The following PCDHGA2 variants were observed in gnomAD, a reference collection of about 807,000 sequenced individuals.
PCDHGA2 encodes the protein protocadherin gamma-A2.
PCDHGA2 carries 40 observed loss-of-function variants against 59.2 expected under a neutral mutation model. The ratio of observed to expected loss-of-function variants is 0.68; its 90% CI spans 0.52 to 0.88. The LOEUF is 0.88. Among genes scored for constraint, PCDHGA2 ranks in the 40% least tolerant of loss-of-function variants. The pLI is 0.00. For synonymous variants in PCDHGA2, 560 were observed against 526.0 expected (o/e 1.06, Z -0.89); for missense variants, 1,226 against 1,204.0 (o/e 1.02, Z -0.27).
chr5:141,353,831 GTCTT>G (rs1759397437), intron 1 of PCDHGA2, among the ~76,000 whole-genome samples: 1 of 152,116 alleles, frequency 6.6e-6, no homozygotes, highest in Non-Finnish European at 1.5e-5. Context: ...AGTTTGTGCG[GTCTT>G]TGAGGATTGT....
intron 1 of PCDHGA2, chr5:141,408,974 G>A (rs899313364): frequency 6.2e-7 from 1 of 1,613,808 alleles, no homozygotes; most frequent in South Asian, 1.1e-5. Context: ...TCTGCCCCCT[G>A]GGTCCCCTGT....
chr5:141,483,445 C>T (rs1332037230), intron 1 of PCDHGA2, among the ~76,000 whole-genome samples: 1 of 152,106 alleles, frequency 6.6e-6, no homozygotes, highest in Admixed American at 6.5e-5. Context: ...ACAATAAAAT[C>T]ATCAGGACTT....
chr5:141,346,907 T>C (rs1247197214), intron 1 of PCDHGA2, among the ~76,000 whole-genome samples: 1 of 152,214 alleles, frequency 6.6e-6, no homozygotes, highest in African/African-American at 2.4e-5. Context: ...TACATACAAG[T>C]AAAAATACAT....
intron 1 of PCDHGA2, among the ~76,000 whole-genome samples, chr5:141,347,104 TCTC>T (rs1561493242): frequency 6.6e-6 from 1 of 151,128 alleles, no homozygotes; most frequent in African/African-American, 2.4e-5. Flanking sequence ...CCTTCCTCTC[TCTC>T]TTTCCTCCTT....
Position 141,339,415 on chromosome 5 carries a change from A to G in PCDHGA2, c.444A>G (p.Pro148=), listed in dbSNP as rs1389613080. ...LELKISETTT[P]GFRIPLKNAH... is the part of the protein sequence containing the mutation. The stretch of plus-strand genomic sequence containing the variant: ...TAAAAATCAGTGAAACCACTACGCC[A>G]GGATTCCGGATTCCTCTTAAGAATG... Residue 148 remains proline, a synonymous_variant, in exon 1 of 4, where the codon CCA becomes CCG. Coordinates refer to ENST00000394576, the MANE Select transcript of PCDHGA2 (RefSeq NM_018915.4). The G allele has an allele frequency of 6.2e-7, 1 of 1,614,262 alleles. No homozygotes were observed. The highest frequency in any genetic ancestry group is 8.5e-7 in the Non-Finnish European group (1 of 1,180,042).
intron 3 of PCDHGA2, 56 bp from the exon 4 acceptor site, chr5:141,510,891 G>A (rs945706652): frequency 8.7e-6 from 14 of 1,612,762 alleles, no homozygotes; most frequent in Middle Eastern, 1.6e-4. Flanking sequence ...ATATAAGACA[G>A]TGACTGTTGA....
rs769249726 is a variant in PCDHGA2 at position 141,490,832 on chromosome 5, A to C, written c.2425-3975A>C. On this transcript the variant is annotated intron_variant, in intron 1 of 3. Transcript: ENST00000394576. This position sits in a 1 kb window ranked among gnomAD's most constrained non-coding sequence, Gnocchi z 5.4. Reference sequence around the variant, plus strand: ...GACTATGAATTGCTGCAGATGCTGCAGATTGTGGTGGGGGTTCGAGACTCC... The same window carrying C: ...GACTATGAATTGCTGCAGATGCTGCCGATTGTGGTGGGGGTTCGAGACTCC... 1.5e-5 allele frequency: 25 copies of C among 1,613,796 alleles called. No individual in the cohort carries two copies. In the South Asian group the frequency reaches 2.6e-4, roughly 17 times the overall value.
At chr5:141,427,857 G>T (rs746661329) in intron 1 of PCDHGA2, 2 of 1,554,576 alleles carry the variant, frequency 1.3e-6, no homozygotes, top group Admixed American at 3.3e-5. Flanking sequence ...GCAGCTGTGC[G>T]CCTTCGAGCT....
At chr5:141,418,940 C>G in intron 1 of PCDHGA2, 9 of 1,614,012 alleles carry the variant, frequency 5.6e-6, no homozygotes, top group Non-Finnish European at 6.8e-6. Context: ...GGAGGATTCC[C>G]CTCCAGGAGT....
chr5:141,352,091 G>A (rs767662571), intron 1 of PCDHGA2: 3 of 1,605,050 alleles, frequency 1.9e-6, no homozygotes, highest in Admixed American at 1.7e-5. Context: ...CAGCGAGCCC[G>A]GGCTCTTCAG....
chr5:141,509,199 GTCTC>G (rs1017134758), intron 3 of PCDHGA2, among the ~76,000 whole-genome samples: 4 of 152,070 alleles, frequency 2.6e-5, no homozygotes, highest in Admixed American at 2.0e-4. Context: ...AATATTTCCT[GTCTC>G]TCTATTTCTC....
At chr5:141,384,528 C>T in intron 1 of PCDHGA2, 2 of 1,614,254 alleles carry the variant, frequency 1.2e-6, no homozygotes, top group Non-Finnish European at 1.7e-6. Context: ...CGCCTCTCAG[C>T]AGCAACATGT....
intron 1 of PCDHGA2, chr5:141,362,281 C>T: frequency 2.4e-5 from 39 of 1,614,016 alleles, no homozygotes; most frequent in Non-Finnish European, 3.2e-5. Context: ...CCTGCGCCTG[C>T]GACTCTCTTC....
chr5:141,487,022 A>T lies in PCDHGA2; in HGVS notation c.2425-7785A>T. ...TCAGCTCCTGGAGGCCCCAGATCCC[A>T]GCCTGTTTGCAGTCTCTCGATATGC... On this transcript the variant is annotated intron_variant, in intron 1 of 3. Coordinates refer to ENST00000394576, the MANE Select transcript of PCDHGA2 (RefSeq NM_018915.4). The surrounding 1 kb of genome is among the most constrained non-coding windows in gnomAD (Gnocchi z 5.0). The T allele has an allele frequency of 1.2e-6, 2 of 1,614,212 alleles. No homozygotes were observed. Among genetic ancestry groups the T allele is most frequent in the Non-Finnish European group, 1.7e-6 (2 of 1,180,048 alleles).
chr5:141,440,931 C>G (rs2098213287), intron 1 of PCDHGA2: 1 of 152,186 alleles, frequency 6.6e-6, no homozygotes, highest in Non-Finnish European at 1.5e-5. Context: ...GTGAGGGCCA[C>G]CAACCAGGAC....
In PCDHGA2 at chr5:141,400,247, T is replaced by C; in HGVS notation, c.2424+58852T>C. 1 of 1,614,050 alleles carries C rather than the reference T, an allele frequency of 6.2e-7. No homozygotes were observed. Among genetic ancestry groups the C allele is most frequent in the East Asian group, 2.2e-5 (1 of 44,884 alleles). ...TTCCTCCTGGCCGTGATTCTGGCCG[T>C]TGCCTTGCGCCTGCGACGCTCCTCC... On this transcript the variant is annotated intron_variant, in intron 1 of 3. Transcript: ENST00000394576.
chr5:141,431,397 C>A lies in PCDHGA2; in HGVS notation c.2425-63410C>A. ...AAGGCTGCTCACCACCTGGTCCTTA[C>A]GGCCTCCGACGGGGGCGACCCGGTG... On this transcript the variant is annotated intron_variant, in intron 1 of 3. Coordinates refer to ENST00000394576, the MANE Select transcript of PCDHGA2 (RefSeq NM_018915.4). The surrounding 1 kb of genome is among the most constrained non-coding windows in gnomAD (Gnocchi z 4.8). 3.1e-6 allele frequency: 5 copies of A among 1,613,782 alleles called. No individual in the cohort carries two copies. Among genetic ancestry groups the A allele is most frequent in the Non-Finnish European group, 4.2e-6 (5 of 1,180,034 alleles).
chr5:141,356,868 C>T (rs756682784), intron 1 of PCDHGA2: 12 of 1,614,088 alleles, frequency 7.4e-6, no homozygotes, highest in South Asian at 2.2e-5. Flanking sequence ...TGGACCAGAA[C>T]GACAATGTCC....
intron 1 of PCDHGA2, among the ~76,000 whole-genome samples, chr5:141,452,760 G>A (rs920853226): frequency 3.3e-5 from 5 of 152,120 alleles, no homozygotes; most frequent in Non-Finnish European, 7.4e-5. Context: ...AAGGAAGGGA[G>A]GGAGGGAAAA....
Sources: gnomAD v4.1 joint callset for allele counts (sites outside exome capture counted in the v4.1 genomes callset) on GRCh38, gnomAD v4.1.1 for gene constraint, Gnocchi (gnomAD v3.1) non-coding constraint, MANE v1.5 for transcripts, NCBI Gene and HGNC (gene_info 2026-07-23, HGNC 2026-07-21) for gene names.